The following TCF3 variants were observed in gnomAD, a reference collection of about 807,000 sequenced individuals.
The protein encoded by TCF3 is transcription factor 3.
In TCF3, 54 loss-of-function variants were observed where a neutral mutation model predicts 72.3. The observed-to-expected ratio is 0.75, with a 90% CI of 0.60 to 0.94. The LOEUF (loss-of-function observed/expected upper bound fraction) is 0.94. TCF3 is among the 40% of genes least tolerant of loss of function. The pLI is 0.00. For missense variants in TCF3, 1,078 were observed against 934.4 expected, an observed-to-expected ratio of 1.15 and a Z score of -2.00; for synonymous variants, 525 against 412.6, an observed-to-expected ratio of 1.27 and a Z score of -3.30.
rs199628190 is a variant in TCF3 at position 1,627,406 on chromosome 19, C to T, written c.319G>A (p.Ala107Thr). 7.8e-5 allele frequency: 125 copies of T among 1,612,006 alleles called. 2 individuals are homozygous for T. Among genetic ancestry groups the T allele is most frequent in the South Asian group, 7.7e-4 (70 of 90,862 alleles). The part of the protein sequence containing the change: ...GLGGKSGERG[A>T]YASFGRDAGV... The stretch of plus-strand genomic sequence containing the variant: ...GCGTCTCTCCCGAAGGAGGCATAGG[C>T]GCCCCGCTCACCGCTCTTGCCTGCA... The change falls in exon 6 of 19, where the codon GCC becomes ACC. Residue 107 changes from alanine to threonine, a missense_variant. Coordinates refer to ENST00000262965, the MANE Select transcript of TCF3 (RefSeq NM_003200.5).
intron 1 of TCF3, chr19:1,650,841 T>A (rs1272426518): frequency 4.3e-6 from 1 of 230,710 alleles, no homozygotes; most frequent in Non-Finnish European, 8.6e-6. Context: ...GAAACTCTTT[T>A]ACAAGCTTCA....
rs1209560198 is a variant in TCF3 at position 1,609,568 on chromosome 19, C to G, written c.*2139G>C. On this transcript the variant is annotated 3_prime_UTR_variant, in exon 19 of 19. Transcript: ENST00000262965. ...TGAATTCTATGCAGAACGCACAGTT[C>G]CAGAGGCTATGGGGCCACTGCCCAC... is the stretch of plus-strand genomic sequence containing the variant. 4.5e-6 allele frequency: 1 copy of G among 220,124 alleles called. No homozygotes were observed. Among genetic ancestry groups the G allele is most frequent in the South Asian group, 1.8e-4 (1 of 5,418 alleles). 13.6% of individuals were successfully genotyped at this position (220,124 alleles called of 1,614,324 possible). A position where few individuals can be genotyped will look rare whatever the true frequency, so the allele number is the denominator to read the frequency against.
At position 1,611,294 on chromosome 19, in the gene TCF3, C is replaced by T. The variant is rs923402931; in HGVS notation, c.*413G>A. ...CTTGAGTGATATGTTTCCATTTCTCCGCTTTTTATAGTTAAGGCATTTTTT... is the reference window on the plus strand; with the variant it reads ...CTTGAGTGATATGTTTCCATTTCTCTGCTTTTTATAGTTAAGGCATTTTTT... On this transcript the variant is annotated 3_prime_UTR_variant, in exon 19 of 19. Transcript: ENST00000262965. 20 of 356,844 alleles carry T rather than the reference C, an allele frequency of 5.6e-5. No individual in the cohort carries two copies. Among genetic ancestry groups the T allele is most frequent in the South Asian group, 1.5e-4 (1 of 6,744 alleles). 22.1% of individuals were successfully genotyped at this position (356,844 alleles called of 1,614,324 possible).
chr19:1,650,965 G>T, intron 1 of TCF3: 6 of 203,102 alleles, frequency 3.0e-5, no homozygotes, highest in East Asian at 7.5e-5. Context: ...ATTCAGGAAA[G>T]AAAAAAAAAA....
intron 3 of TCF3, among the ~76,000 whole-genome samples, chr19:1,641,539 G>A (rs576183781): frequency 6.6e-5 from 10 of 152,180 alleles, no homozygotes; most frequent in African/African-American, 1.2e-4. Context: ...TGCAACCTCC[G>A]CCTCCCAGGT....
chr19:1,645,381 G>C (rs2065932716), intron 3 of TCF3, among the ~76,000 whole-genome samples: 2 of 151,336 alleles, frequency 1.3e-5, no homozygotes, highest in African/African-American at 4.9e-5. Flanking sequence ...TCGACAGCCA[G>C]CCTGGGCCGC....
intron 3 of TCF3, among the ~76,000 whole-genome samples, chr19:1,637,769 C>T (rs1311904791): frequency 6.6e-6 from 1 of 152,100 alleles, no homozygotes; most frequent in Non-Finnish European, 1.5e-5. Flanking sequence ...ATTAGCTGGG[C>T]GTGGTGGTGG....
At chr19:1,651,640 G>A (rs1281697730) in intron 1 of TCF3, among the ~76,000 whole-genome samples, 1 of 152,122 alleles carries the variant, frequency 6.6e-6, no homozygotes, top group Middle Eastern at 3.2e-3. Context: ...GAAGGCGGGG[G>A]GCGCGCTGGA....
In TCF3 at chr19:1,652,007, G is replaced by T. The variant is rs533480940; in HGVS notation, c.-40+293C>A. On this transcript the variant is annotated intron_variant, in intron 1 of 18. Transcript: ENST00000262965. ...TCCTCGCGCCTAAGTTGCACAGCCC[G>T]TCCGGCGCCCCCCGCGCCCCCGCCC... Among the ~76,000 whole-genome samples the T allele has an allele frequency of 3.3e-5, 5 of 149,634 alleles. No individual in the cohort carries two copies. In the East Asian group the frequency reaches 1.0e-3, roughly 30 times the overall value.
chr19:1,611,805 CTT>C lies in TCF3; in HGVS notation c.1865_1866del (p.Glu622GlyfsTer79). The C allele has an allele frequency of 6.2e-7, 1 of 1,613,656 alleles. No homozygotes were observed. The highest frequency in any genetic ancestry group is 8.5e-7 in the Non-Finnish European group (1 of 1,179,932). ...NPKAACLKRR[E>X]EEKVSGVVGD... ...CCAACCACACCTGACACCTTTTCCT[CTT>C]CTCGCCGTTTCAAACAGGCTGCTTT... On this transcript the variant is annotated frameshift_variant, in exon 19 of 19. Coordinates refer to ENST00000262965, the MANE Select transcript of TCF3 (RefSeq NM_003200.5). LOFTEE classifies it low-confidence loss of function (END_TRUNC).
At chr19:1,613,130 G>A (rs543423827) in intron 18 of TCF3, among the ~76,000 whole-genome samples, 1 of 151,956 alleles carries the variant, frequency 6.6e-6, no homozygotes, top group Non-Finnish European at 1.5e-5. Flanking sequence ...TGTTGGTGTG[G>A]GCAGCAGTAC....
At chr19:1,633,460 C>A (rs2063971113) in intron 3 of TCF3, among the ~76,000 whole-genome samples, 2 of 152,104 alleles carry the variant, frequency 1.3e-5, no homozygotes, top group Non-Finnish European at 2.9e-5. Context: ...CTCCCCCGCC[C>A]CGCCCCCTGC....
intron 15 of TCF3, 36 bp downstream of exon 15, chr19:1,619,280 G>A (rs372172768): frequency 1.5e-5 from 23 of 1,567,182 alleles, no homozygotes; most frequent in African/African-American, 8.1e-5. Context: ...CCGGGTCCCC[G>A]CCCACTGCCC....
Position 1,610,998 on chromosome 19 carries a change from T to C in TCF3, c.*709A>G, listed in dbSNP as rs147178681. On this transcript the variant is annotated 3_prime_UTR_variant, in exon 19 of 19. Coordinates refer to ENST00000262965, the MANE Select transcript of TCF3 (RefSeq NM_003200.5). ...ATACAACGTTTAATCATCTGGTTGA[T>C]CAAGAAATGCAATGCTCAGTCTAGG... The C allele has an allele frequency of 3.1e-3, 697 of 221,690 alleles. 4 individuals are homozygous for C. Among genetic ancestry groups the C allele is most frequent in the African/African-American group, 0.014 (595 of 43,652 alleles). The allele number at this position is 221,690 out of a possible 1,614,324, so 13.7% of individuals were successfully genotyped here. A position where few individuals can be genotyped will look rare whatever the true frequency, so the allele number is the denominator to read the frequency against.
At chr19:1,651,957 C>G (rs1270551427) in intron 1 of TCF3, among the ~76,000 whole-genome samples, 3 of 151,232 alleles carry the variant, frequency 2.0e-5, no homozygotes, top group Admixed American at 6.6e-5. Flanking sequence ...CCGGGGTCCC[C>G]GTGCGCCCGG....
intron 2 of TCF3, among the ~76,000 whole-genome samples, chr19:1,648,766 T>G (rs1403798510): frequency 1.3e-5 from 2 of 148,178 alleles, no homozygotes; most frequent in Non-Finnish European, 3.0e-5. Context: ...AAATTCAGAC[T>G]GAAAGTGCCC....
rs917117116 is a variant in TCF3, at chr19:1,651,673, C to G, written c.-40+627G>C. On this transcript the variant is annotated intron_variant, in intron 1 of 18. Transcript: ENST00000262965. ...GGAACGCCTTTTTCCCGGGGGGAGG[C>G]GGCCCGGGAAGCCGGACCCCCCTCC... is the stretch of plus-strand genomic sequence containing the variant. Among the ~76,000 whole-genome samples, 338 of 152,012 alleles carry G rather than the reference C, an allele frequency of 2.2e-3. 4 individuals are homozygous for G. Among genetic ancestry groups the G allele is most frequent in the African/African-American group, 7.9e-3 (326 of 41,480 alleles).
intron 3 of TCF3, among the ~76,000 whole-genome samples, chr19:1,642,255 T>TGCGCACACACGC (rs2065412792): frequency 1.6e-5 from 2 of 122,492 alleles, no homozygotes; most frequent in Non-Finnish European, 3.7e-5. Flanking sequence ...CACACACACG[T>TGCGCACACACGC]GCGCACACAC....
intron 3 of TCF3, among the ~76,000 whole-genome samples, chr19:1,637,738 GTC>G (rs1258180255): frequency 6.6e-6 from 1 of 152,126 alleles, no homozygotes; most frequent in Non-Finnish European, 1.5e-5. Context: ...TGAAACCCCC[GTC>G]TCTACTAAAA....
Sources: allele counts gnomAD v4.1 joint callset (sites outside exome capture counted in the v4.1 genomes callset), GRCh38; gene constraint gnomAD v4.1.1; transcripts MANE v1.5; gene names NCBI Gene and HGNC (gene_info 2026-07-23, HGNC 2026-07-21).